Variants in KHDRBS2 observed in about 807,000 individuals in gnomAD.
KHDRBS2 encodes KH domain-containing, RNA-binding, signal transduction-associated protein 2.
KHDRBS2 carries 26 observed loss-of-function variants against 44.3 expected under a neutral mutation model. The ratio of observed to expected loss-of-function variants is 0.59; its 90% CI spans 0.43 to 0.81. The LOEUF is 0.81. Among genes scored for constraint, KHDRBS2 ranks in the 40% least tolerant of loss-of-function variants. The pLI is 0.00. For missense variants in KHDRBS2, 476 were observed against 433.1 expected (o/e 1.10, Z -0.88); for synonymous variants, 194 against 151.1 (o/e 1.28, Z -2.08).
chr6:62,121,471 G>A (rs1327590450), intron 2 of KHDRBS2, among the ~76,000 whole-genome samples: 2 of 152,198 alleles, frequency 1.3e-5, no homozygotes, highest in Non-Finnish European at 2.9e-5. Flanking sequence ...TCCAAGTGAA[G>A]CTACTATACC....
intron 6 of KHDRBS2, among the ~76,000 whole-genome samples, chr6:61,884,973 A>G (rs1340400310): frequency 6.6e-6 from 1 of 152,126 alleles, no homozygotes; most frequent in Non-Finnish European, 1.5e-5. Flanking sequence ...AAAAGATTTA[A>G]AAAATTATGT....
At chr6:61,949,760 T>C (rs568021578) in intron 4 of KHDRBS2, among the ~76,000 whole-genome samples, 72 of 152,160 alleles carry the variant, frequency 4.7e-4, no homozygotes, top group African/African-American at 1.7e-3. Context: ...GAATAATGCA[T>C]ATCAACAGCA....
chr6:61,814,072 T>A (rs1286763510), intron 6 of KHDRBS2: 1 of 455,732 alleles, frequency 2.2e-6, no homozygotes, highest in African/African-American at 2.0e-5. Flanking sequence ...TTTATGAAGC[T>A]GTGGCTGAAA....
intron 2 of KHDRBS2, among the ~76,000 whole-genome samples, chr6:62,109,234 C>G (rs1330609198): frequency 6.6e-6 from 1 of 151,786 alleles, no homozygotes; most frequent in Non-Finnish European, 1.5e-5. Context: ...CAAGAGAAAC[C>G]ATATGAACAT....
intron 7 of KHDRBS2, among the ~76,000 whole-genome samples, chr6:61,728,098 T>A (rs1023047515): frequency 6.6e-6 from 1 of 151,894 alleles, no homozygotes. Flanking sequence ...CATGGAATAC[T>A]ATGCAGCCAT....
At chr6:61,767,939 T>C (rs1444303273) in intron 6 of KHDRBS2, among the ~76,000 whole-genome samples, 1 of 152,184 alleles carries the variant, frequency 6.6e-6, no homozygotes, top group Non-Finnish European at 1.5e-5. Flanking sequence ...TAATATTCTG[T>C]GTTTTTCTGT....
At chr6:62,017,033 A>C (rs192951386) in intron 3 of KHDRBS2, among the ~76,000 whole-genome samples, 1 of 152,308 alleles carries the variant, frequency 6.6e-6, no homozygotes, top group Admixed American at 6.5e-5. Flanking sequence ...TTTTTAATTA[A>C]ATAAATTTTT....
chr6:61,848,340 A>C (rs1313479068), intron 6 of KHDRBS2, among the ~76,000 whole-genome samples: 1 of 149,008 alleles, frequency 6.7e-6, no homozygotes, highest in African/African-American at 2.5e-5. Context: ...CCTGTAGAAA[A>C]GTGCTTATGT....
At chr6:62,054,649 C>T (rs1363583408) in intron 2 of KHDRBS2, among the ~76,000 whole-genome samples, 1 of 151,960 alleles carries the variant, frequency 6.6e-6, no homozygotes, top group Admixed American at 6.6e-5. Flanking sequence ...GATACAATTG[C>T]TGGCTTTGAA....
intron 1 of KHDRBS2, among the ~76,000 whole-genome samples, chr6:62,241,787 C>T (rs1451352157): frequency 6.6e-6 from 1 of 152,050 alleles, no homozygotes; most frequent in East Asian, 1.9e-4. Context: ...TCATAATTAT[C>T]CAGGATTCAA....
intron 1 of KHDRBS2, among the ~76,000 whole-genome samples, chr6:62,185,453 C>T (rs1015940471): frequency 2.0e-5 from 3 of 151,876 alleles, no homozygotes; most frequent in African/African-American, 7.2e-5. Context: ...TCTAATTCCA[C>T]AACAATTTAA....
At chr6:62,127,906 A>G (rs921577543) in intron 2 of KHDRBS2, among the ~76,000 whole-genome samples, 1 of 152,150 alleles carries the variant, frequency 6.6e-6, no homozygotes, top group Admixed American at 6.5e-5. Context: ...GCAATTATCA[A>G]TTAGTTAACA....
At chr6:61,772,587 C>T (rs554114511) in intron 6 of KHDRBS2, among the ~76,000 whole-genome samples, 2 of 152,290 alleles carry the variant, frequency 1.3e-5, no homozygotes, top group African/African-American at 4.8e-5. Flanking sequence ...TTCCTTGACA[C>T]ATACATCCTC....
At chr6:62,081,479 C>A (rs754301859) in intron 2 of KHDRBS2, among the ~76,000 whole-genome samples, 7 of 152,088 alleles carry the variant, frequency 4.6e-5, no homozygotes, top group African/African-American at 9.7e-5. Context: ...ATGACATATG[C>A]TGTCAAAGAC....
In KHDRBS2 at chr6:62,263,386, A is replaced by G. The variant is rs374508555; in HGVS notation, c.91+22472T>C. On this transcript the variant is annotated intron_variant, in intron 1 of 8. Transcript: ENST00000281156. ...TCTTTTTTCCATTACTTCAGTTATC[A>G]ACTACATTTTTTGAAAATATTTTTA... is the stretch of plus-strand genomic sequence containing the variant. 7.9e-5 allele frequency among the ~76,000 whole-genome samples: 12 copies of G among 151,782 alleles called. No homozygotes were observed. In the East Asian group the frequency reaches 2.1e-3, roughly 27 times the overall value.
chr6:62,129,554 A>G (rs1809773920), intron 2 of KHDRBS2, among the ~76,000 whole-genome samples: 1 of 152,298 alleles, frequency 6.6e-6, no homozygotes, highest in African/African-American at 2.4e-5. Context: ...TTCCAAGTTT[A>G]AAAAGAACAC....
intron 2 of KHDRBS2, among the ~76,000 whole-genome samples, chr6:62,118,627 G>T (rs1357225276): frequency 6.6e-6 from 1 of 152,148 alleles, no homozygotes; most frequent in African/African-American, 2.4e-5. Context: ...AGGAGAGGAA[G>T]ACCTACCCTC....
At chr6:62,256,050 G>A (rs373814101) in intron 1 of KHDRBS2, among the ~76,000 whole-genome samples, 213 of 151,812 alleles carry the variant, frequency 1.4e-3, no homozygotes, top group Non-Finnish European at 2.3e-3. Flanking sequence ...CTGGAGAATC[G>A]CTTGAACCTG....
chr6:61,812,655 T>C (rs1265742902), intron 6 of KHDRBS2, among the ~76,000 whole-genome samples: 3 of 152,204 alleles, frequency 2.0e-5, no homozygotes, highest in African/African-American at 4.8e-5. Flanking sequence ...AGATTCATAA[T>C]ACATTTCACA....
Sources: gnomAD v4.1 joint callset for allele counts (sites outside exome capture counted in the v4.1 genomes callset) on GRCh38, gnomAD v4.1.1 for gene constraint, MANE v1.5 for transcripts, NCBI Gene and HGNC (gene_info 2026-07-23, HGNC 2026-07-21) for gene names.